Variants in ZNF595 observed in about 807,000 individuals in gnomAD.
ZNF595 encodes zinc finger protein 595.
Under a neutral mutation model 19.4 loss-of-function variants are expected in ZNF595, and 9 were observed. The ratio of observed to expected loss-of-function variants is 0.46; its 90% confidence interval spans 0.28 to 0.81. The LOEUF (loss-of-function observed/expected upper bound fraction) is 0.81. Among genes scored for constraint, ZNF595 ranks in the 30% least tolerant of loss-of-function variants. The pLI is 0.11. For missense variants in ZNF595, 729 were observed against 736.0 expected (o/e 0.99, Z 0.11); for synonymous variants, 255 against 255.9 (o/e 1.00, Z 0.03).
In ZNF595 at chr4:87,570, G is replaced by T; in HGVS notation, c.*119G>T. ...TTTTAAATTTTTTAAAATTTCTGTA[G>T]GTACATAGTATGTGTATCTATTCAT... On this transcript the variant is annotated 3_prime_UTR_variant, in exon 4 of 4. Coordinates refer to ENST00000610261, the MANE Select transcript of ZNF595 (RefSeq NM_182524.4). 3.2e-6 allele frequency: 3 copies of T among 934,574 alleles called. No homozygotes were observed. Among genetic ancestry groups the T allele is most frequent in the African/African-American group, 1.7e-5 (1 of 59,724 alleles). The allele number at this position is 934,574 out of a possible 1,614,324, so 57.9% of individuals were successfully genotyped here. A position where few individuals can be genotyped will look rare whatever the true frequency, so the allele number is the denominator to read the frequency against.
rs575698973 is a variant in ZNF595 at position 87,142 on chromosome 4, T to G, written c.1638T>G (p.Thr546=). ...GTGAAGAATGTGGCAAAGCCTTTAC[T>G]CGGTCCACAGCCCTGAATGAACATA... ...YKCEECGKAF[T]RSTALNEHKK... Residue 546 remains threonine (T), a synonymous_variant, in exon 4 of 4, where the codon ACT becomes ACG. Coordinates refer to ENST00000610261, the MANE Select transcript of ZNF595 (RefSeq NM_182524.4). 1 of 1,612,550 alleles carries G rather than the reference T, an allele frequency of 6.2e-7. No homozygotes were observed. Among genetic ancestry groups the G allele is most frequent in the South Asian group, 1.1e-5 (1 of 90,976 alleles).
At chr4:81,311 C>G (rs368278923) in intron 3 of ZNF595, among the ~76,000 whole-genome samples, 3 of 152,104 alleles carry the variant, frequency 2.0e-5, no homozygotes, top group Non-Finnish European at 2.9e-5. Flanking sequence ...ATAAGAGTCT[C>G]TGTTTATCTG....
chr4:77,816 A>G (rs1713735906), intron 3 of ZNF595, among the ~76,000 whole-genome samples: 1 of 152,144 alleles, frequency 6.6e-6, no homozygotes, highest in Non-Finnish European at 1.5e-5. Flanking sequence ...CTGATACAAT[A>G]TAAATGTGAG....
rs1553801128 is a variant in ZNF595, at chr4:86,029, T to C, written c.525T>C (p.Cys175=). 2 of 1,610,212 alleles carry C rather than the reference T, an allele frequency of 1.2e-6. No individual in the cohort carries two copies. Among genetic ancestry groups the C allele is most frequent in the African/African-American group, 2.7e-5 (2 of 74,972 alleles). ...IRHTGEKPFK[C]TECGRSFYMS... is the part of the protein sequence containing the mutation. ...ATACTGGAGAGAAACCCTTTAAATGTACAGAATGTGGCAGATCGTTTTACA... is the reference window on the plus strand; with the variant it reads ...ATACTGGAGAGAAACCCTTTAAATGCACAGAATGTGGCAGATCGTTTTACA... The change falls in exon 4 of 4, where the codon TGT becomes TGC. Residue 175 remains cysteine, a synonymous_variant. Coordinates refer to ENST00000610261, the MANE Select transcript of ZNF595 (RefSeq NM_182524.4).
chr4:73,387 G>C (rs1713510299), intron 3 of ZNF595, among the ~76,000 whole-genome samples: 1 of 152,206 alleles, frequency 6.6e-6, no homozygotes, highest in African/African-American at 2.4e-5. Context: ...AGGTGGAGCA[G>C]AGTCCAGGGG....
chr4:54,472 GGA>G (rs1712530726), intron 1 of ZNF595, among the ~76,000 whole-genome samples: 2 of 151,494 alleles, frequency 1.3e-5, no homozygotes, highest in Non-Finnish European at 3.0e-5. Flanking sequence ...CTCCTTCCGG[GGA>G]GAGAGGGGAC....
chr4:80,720 G>A (rs1713870514), intron 3 of ZNF595, among the ~76,000 whole-genome samples: 1 of 152,166 alleles, frequency 6.6e-6, no homozygotes, highest in Non-Finnish European at 1.5e-5. Context: ...AATTTCACAA[G>A]GTAATGTCAT....
At chr4:85,658 C>G in intron 3 of ZNF595, 73 bp from the exon 4 acceptor site, 1 of 1,452,432 alleles carries the variant, frequency 6.9e-7, no homozygotes, top group Non-Finnish European at 9.2e-7. Flanking sequence ...TATACATTTT[C>G]GATATTACAT....
chr4:83,444 G>A (rs188124079), intron 3 of ZNF595, among the ~76,000 whole-genome samples: 16 of 151,644 alleles, frequency 1.1e-4, no homozygotes, highest in Middle Eastern at 3.4e-3. Flanking sequence ...GTGAAACCCC[G>A]TCTCTACTAA....
chr4:87,346 T>C lies in ZNF595; in HGVS notation c.1842T>C (p.His614=). The C allele has an allele frequency of 6.2e-7, 1 of 1,613,608 alleles. No homozygotes were observed. The highest frequency in any genetic ancestry group is 8.5e-7 in the Non-Finnish European group (1 of 1,179,846). Residue 614 remains histidine, a synonymous_variant, in exon 4 of 4, where the codon CAT becomes CAC. Coordinates refer to ENST00000610261, the MANE Select transcript of ZNF595 (RefSeq NM_182524.4). ...CCCTTACTAAACATAAGATAATTCA[T>C]ACTGGAGAGAAATCCTACAAATGTG... ...SSSLTKHKII[H]TGEKSYKCEE...
chr4:74,785 A>G (rs993654268), intron 3 of ZNF595, among the ~76,000 whole-genome samples: 10 of 152,304 alleles, frequency 6.6e-5, no homozygotes, highest in East Asian at 3.9e-4. Context: ...AAAGGAGGCA[A>G]TCAGATTCAC....
At chr4:65,706 ACTT>A (rs1581330601) in intron 3 of ZNF595, among the ~76,000 whole-genome samples, 1 of 20,734 alleles carries the variant, frequency 4.8e-5, no homozygotes. Context: ...ATAGTGAGTG[ACTT>A]CTTCTGAGAT....
intron 3 of ZNF595, among the ~76,000 whole-genome samples, chr4:69,748 T>C (rs548432232): frequency 2.0e-5 from 3 of 152,314 alleles, no homozygotes; most frequent in African/African-American, 7.2e-5. Context: ...GTGATTCGTT[T>C]GCTGTTTAGA....
chr4:74,118 G>A (rs1713545857), intron 3 of ZNF595, among the ~76,000 whole-genome samples: 1 of 151,978 alleles, frequency 6.6e-6, no homozygotes, highest in African/African-American at 2.4e-5. Flanking sequence ...CACCAGCCTG[G>A]GCAATATGGT....
chr4:85,762 AC>A lies in ZNF595; in HGVS notation c.260del (p.Pro87GlnfsTer5). On this transcript the variant is annotated frameshift_variant, in exon 4 of 4. Transcript: ENST00000610261. LOFTEE classifies it low-confidence loss of function (END_TRUNC). The stretch of plus-strand genomic sequence containing the variant: ...GTTCTCCTTTCAGCCAAGACCTTTC[AC>A]CAGTGCAGGGGATAGAAGATTCATT... ...ICSPFSQDLS[P>X]VQGIEDSFHK... The A allele has an allele frequency of 1.3e-6, 2 of 1,597,748 alleles. No individual in the cohort carries two copies. The highest frequency in any genetic ancestry group is 2.3e-5 in the South Asian group (2 of 88,674).
chr4:83,251 T>C (rs1382588504), intron 3 of ZNF595, among the ~76,000 whole-genome samples: 2 of 152,164 alleles, frequency 1.3e-5, no homozygotes, highest in Non-Finnish European at 2.9e-5. Context: ...GTTTGGTTCT[T>C]TGCATAAAGT....
At chr4:80,058 T>C (rs1713840492) in intron 3 of ZNF595, among the ~76,000 whole-genome samples, 1 of 152,208 alleles carries the variant, frequency 6.6e-6, no homozygotes, top group Non-Finnish European at 1.5e-5. Flanking sequence ...GTTTCACTCT[T>C]GTTGCCCAGG....
chr4:86,474 T>C lies in ZNF595; in HGVS notation c.970T>C (p.Ser324Pro), dbSNP rs1714183606. 1 of 1,613,698 alleles carries C rather than the reference T, an allele frequency of 6.2e-7. No individual in the cohort carries two copies. Among genetic ancestry groups the C allele is most frequent in the Non-Finnish European group, 8.5e-7 (1 of 1,179,930 alleles). ...CKECGKAFRQSRSLNEHKNIH... is the reference protein window; with the variant it reads ...CKECGKAFRQPRSLNEHKNIH... ...AGAATGTGGCAAAGCCTTTAGACAG[T>C]CCAGGAGCCTGAATGAACATAAAAA... Residue 324 changes from serine (S) to proline (P), a missense_variant, in exon 4 of 4, where the codon TCC becomes CCC. Physicochemically the swap from Ser to Pro is moderately conservative, Grantham distance 74 (BLOSUM62 -1). Transcript: ENST00000610261.
chr4:73,881 A>G (rs1471075453), intron 3 of ZNF595, among the ~76,000 whole-genome samples: 5 of 152,014 alleles, frequency 3.3e-5, no homozygotes, highest in East Asian at 1.9e-4. Flanking sequence ...GAGGGAAGCA[A>G]TATTGTGGAA....
Sources: allele counts gnomAD v4.1 joint callset (sites outside exome capture counted in the v4.1 genomes callset), GRCh38; gene constraint gnomAD v4.1.1; transcripts MANE v1.5; gene names NCBI Gene and HGNC (gene_info 2026-07-23, HGNC 2026-07-21).